Variants in APLP2 observed in about 807,000 individuals in gnomAD.
APLP2 encodes amyloid beta precursor like protein 2.
APLP2 carries 53 observed loss-of-function variants against 89.9 expected under a neutral mutation model. The observed-to-expected ratio is 0.59, with a 90% CI of 0.47 to 0.74. APLP2 has a LOEUF of 0.74. Among genes scored for constraint, APLP2 ranks in the 30% least tolerant of loss-of-function variants. The pLI is 0.00. For synonymous variants in APLP2, 372 were observed against 348.6 expected (o/e 1.07, Z -0.75); for missense variants, 973 against 975.9 (o/e 1.00, Z 0.04).
In APLP2 at chr11:130,121,739, A is replaced by AGAAGAG; in HGVS notation, c.654_659dup (p.Glu218_Glu219dup). The AGAAGAG allele has an allele frequency of 8.1e-5, 131 of 1,613,220 alleles. 2 individuals are homozygous for AGAAGAG. The East Asian group carries it at 1.2e-3, about 15-fold the overall frequency. ...CAAAGATTATTGGATCTGTGTCAAAAGAAGAGGAAGAGGAAGATGAAGAGG... is the reference window on the plus strand; with the variant it reads ...CAAAGATTATTGGATCTGTGTCAAAAGAAGAGGAAGAGGAAGAGGAAGATGAAGAGG... On this transcript the variant is annotated inframe_insertion, in exon 5 of 17. Transcript: ENST00000338167.
chr11:130,088,494 G>C (rs1009120851), intron 1 of APLP2, among the ~76,000 whole-genome samples: 1 of 151,938 alleles, frequency 6.6e-6, no homozygotes, highest in Admixed American at 6.6e-5. Context: ...GAAATAAGAA[G>C]GTTTGTAGAG....
At chr11:130,085,480 CAAAA>C (rs1373294692) in intron 1 of APLP2, among the ~76,000 whole-genome samples, 3 of 151,388 alleles carry the variant, frequency 2.0e-5, no homozygotes, top group Non-Finnish European at 4.4e-5. Context: ...CAAAACAAAA[CAAAA>C]AAAACTTCGA....
rs754889842 is a variant in APLP2 at position 130,120,777 on chromosome 11, G to A, written c.475G>A (p.Val159Met). 1.3e-5 allele frequency: 21 copies of A among 1,613,832 alleles called. No homozygotes were observed. Among genetic ancestry groups the A allele is most frequent in the Admixed American group, 1.7e-5 (1 of 59,992 alleles). The change falls in exon 4 of 17, where the codon GTG becomes ATG. Residue 159 changes from valine (V) to methionine (M), a missense_variant. Transcript: ENST00000338167. ...CQFFHKERME[V>M]CENHQHWHTV... ...GTTTTTCCACAAAGAGCGGATGGAG[G>A]TGTGTGAGAATCACCAGCACTGGCA...
At position 130,121,735 on chromosome 11, in the gene APLP2, C is replaced by G; in HGVS notation, c.638C>G (p.Ser213Ter). The G allele has an allele frequency of 1.2e-6, 2 of 1,613,298 alleles. No individual in the cohort carries two copies. The stretch of plus-strand genomic sequence containing the variant: ...CAGACAAAGATTATTGGATCTGTGT[C>G]AAAAGAAGAGGAAGAGGAAGATGAA... ...CPQTKIIGSV[S>*]KEEEEEDEEE... The change falls in exon 5 of 17, where the codon TCA becomes TGA. Residue 213 changes from serine (S) to a stop codon, truncating the protein, a stop_gained. Transcript: ENST00000338167. LOFTEE classifies it high-confidence loss of function.
rs1376507601 is a variant in APLP2 at position 130,097,956 on chromosome 11, G to C, written c.106-11473G>C. On this transcript the variant is annotated intron_variant, in intron 1 of 16. Transcript: ENST00000338167. ...TAGCAGTTCTGTACCCTTACGCGTG[G>C]ATGTGTGCACAACACATGCACACTA... Among the ~76,000 whole-genome samples the C allele has an allele frequency of 2.0e-5, 3 of 152,090 alleles. No individual in the cohort carries two copies. In the East Asian group the frequency reaches 5.8e-4, roughly 29 times the overall value.
At chr11:130,079,028 A>G (rs1395650365) in intron 1 of APLP2, among the ~76,000 whole-genome samples, 1 of 152,082 alleles carries the variant, frequency 6.6e-6, no homozygotes, top group Non-Finnish European at 1.5e-5. Flanking sequence ...ATTGGGGGAA[A>G]ATTGACATTT....
At chr11:130,074,388 A>T (rs1379341251) in intron 1 of APLP2, among the ~76,000 whole-genome samples, 1 of 151,886 alleles carries the variant, frequency 6.6e-6, no homozygotes, top group African/African-American at 2.4e-5. Flanking sequence ...GCTCATTTTT[A>T]TATTTTTAGT....
chr11:130,140,391 C>T lies in APLP2; in HGVS notation c.1838-7C>T, dbSNP rs1456379800. On this transcript the variant is annotated splice_polypyrimidine_tract_variant and splice_region_variant and intron_variant, in intron 13 of 16. Coordinates refer to ENST00000338167, the MANE Select transcript of APLP2 (RefSeq NM_001142276.2). ...TGGGAACTCAGCCATGATCTCTCTCCACACAGGATCTGGAGTGGGAGAGCA... is the reference window on the plus strand; with the variant it reads ...TGGGAACTCAGCCATGATCTCTCTCTACACAGGATCTGGAGTGGGAGAGCA... 1.9e-6 allele frequency: 3 copies of T among 1,599,308 alleles called. No individual in the cohort carries two copies. The highest frequency in any genetic ancestry group is 2.3e-5 in the East Asian group (1 of 44,240).
rs562896994 is a variant in APLP2, at chr11:130,074,301, C to T, written c.105+4219C>T. Among the ~76,000 whole-genome samples the T allele has an allele frequency of 3.4e-4, 52 of 152,216 alleles. No homozygotes were observed. In the South Asian group the frequency reaches 6.4e-3, roughly 19 times the overall value. On this transcript the variant is annotated intron_variant, in intron 1 of 16. Transcript: ENST00000338167. ...CATGATCTCGGCTTACTGCAACCTC[C>T]GTTTTTCAGGTTCAAGCGACTCTCC...
chr11:130,072,497 T>C (rs1394882118), intron 1 of APLP2, among the ~76,000 whole-genome samples: 1 of 108,772 alleles, frequency 9.2e-6, no homozygotes, highest in Non-Finnish European at 1.8e-5. Context: ...TTTTTTTTGA[T>C]ACGGAGTCTC....
intron 1 of APLP2, among the ~76,000 whole-genome samples, chr11:130,095,396 G>A (rs1039542094): frequency 6.6e-6 from 1 of 152,240 alleles, no homozygotes; most frequent in African/African-American, 2.4e-5. Flanking sequence ...CAATGGAAAT[G>A]AAGTATTGAT....
chr11:130,135,337 G>T (rs1951443368), intron 12 of APLP2, among the ~76,000 whole-genome samples: 2 of 152,152 alleles, frequency 1.3e-5, no homozygotes, highest in South Asian at 2.1e-4. Context: ...AAAATCTGTG[G>T]AGTTGTGGAT....
intron 5 of APLP2, 30 bp downstream of exon 5, chr11:130,121,840 GT>G: frequency 6.3e-7 from 1 of 1,596,336 alleles, no homozygotes; most frequent in South Asian, 1.1e-5. Flanking sequence ...CTGTGAAGTC[GT>G]TTTGCCTTTT....
At chr11:130,095,077 G>A (rs1322667313) in intron 1 of APLP2, among the ~76,000 whole-genome samples, 1 of 149,478 alleles carries the variant, frequency 6.7e-6, no homozygotes, top group East Asian at 2.0e-4. Context: ...GCCTAGAAAG[G>A]AATTGTAATC....
intron 3 of APLP2, chr11:130,114,455 C>G (rs1332548498): frequency 6.6e-6 from 1 of 152,140 alleles, no homozygotes; most frequent in Non-Finnish European, 1.5e-5. Context: ...TAGTGCGATA[C>G]CAGTTTGTTT....
intron 1 of APLP2, among the ~76,000 whole-genome samples, chr11:130,095,648 A>G (rs958167832): frequency 2.6e-5 from 4 of 152,236 alleles, no homozygotes; most frequent in Admixed American, 2.6e-4. Flanking sequence ...GTGGCTTCTC[A>G]AACTGTGTGC....
chr11:130,072,919 C>T (rs1941397800), intron 1 of APLP2, among the ~76,000 whole-genome samples: 2 of 152,152 alleles, frequency 1.3e-5, no homozygotes, highest in Non-Finnish European at 2.9e-5. Context: ...CCACAAGCCA[C>T]ATGTGGTTAT....
chr11:130,095,969 G>A (rs190284862), intron 1 of APLP2, among the ~76,000 whole-genome samples: 140 of 151,236 alleles, frequency 9.3e-4, no homozygotes, highest in Non-Finnish European at 1.8e-3. Context: ...TCACATTCTA[G>A]TGATGGGAGA....
chr11:130,105,777 C>T (rs2135742766), intron 1 of APLP2, among the ~76,000 whole-genome samples: 1 of 148,258 alleles, frequency 6.7e-6, no homozygotes, highest in East Asian at 2.0e-4. Flanking sequence ...GATCTCTGCT[C>T]ACCGCAACAT....
Sources: gnomAD v4.1 joint callset for allele counts (sites outside exome capture counted in the v4.1 genomes callset) on GRCh38, gnomAD v4.1.1 for gene constraint, MANE v1.5 for transcripts, NCBI Gene and HGNC (gene_info 2026-07-23, HGNC 2026-07-21) for gene names.